The following ALOXE3 variants were observed in gnomAD, a reference collection of about 807,000 sequenced individuals.
ALOXE3 encodes the protein arachidonate epidermal lipoxygenase 3.
ALOXE3 carries 78 observed loss-of-function variants against 87.5 expected under a neutral mutation model. The ratio of observed to expected loss-of-function variants is 0.89; its 90% CI spans 0.74 to 1.08. The LOEUF (loss-of-function observed/expected upper bound fraction) is 1.08. ALOXE3 is among the 50% of genes least tolerant of loss of function. The pLI is 0.00. For missense variants in ALOXE3, 946 were observed against 912.4 expected, an observed-to-expected ratio of 1.04 and a Z score of -0.47; for synonymous variants, 363 against 370.8, an observed-to-expected ratio of 0.98 and a Z score of 0.24.
At chr17:8,107,731 G>A (rs1168288035) in intron 13 of ALOXE3, among the ~76,000 whole-genome samples, 8 of 150,014 alleles carry the variant, frequency 5.3e-5, no homozygotes, top group East Asian at 3.9e-4. Context: ...CCCGGGAGGC[G>A]GAGCTTGCAG....
In ALOXE3 at chr17:8,109,249, C is replaced by G; in HGVS notation, c.1487G>C (p.Arg496Pro). The G allele has an allele frequency of 1.9e-6, 3 of 1,614,096 alleles. No individual in the cohort carries two copies. The highest frequency in any genetic ancestry group is 2.5e-6 in the Non-Finnish European group (3 of 1,180,046). ...GGGGATAGCCAGGACGCCGCGGGCC[C>G]GCAGGCTGTCCGGAAGGCAGAAATT... ...YTNFCLPDSL[R>P]ARGVLAIPNY... Residue 496 changes from arginine to proline, a missense_variant, in exon 12 of 16, where the codon CGG (arginine) becomes CCG (proline). Transcript: ENST00000448843.
chr17:8,110,023 G>A, intron 10 of ALOXE3, 21 bp from the exon 11 acceptor site: 1 of 1,565,830 alleles, frequency 6.4e-7, no homozygotes, highest in African/African-American at 1.4e-5. Context: ...AGCGGATCAC[G>A]TGAGCTGAAG....
intron 13 of ALOXE3, among the ~76,000 whole-genome samples, chr17:8,107,867 A>G (rs867459970): frequency 0.026 from 82 of 3,166 alleles, 2 homozygotes; most frequent in Non-Finnish European, 0.04. Flanking sequence ...GAAAGAAAGA[A>G]AGAAAGAAAG....
intron 15 of ALOXE3, among the ~76,000 whole-genome samples, chr17:8,099,749 T>C (rs1490925991): frequency 6.6e-6 from 1 of 152,086 alleles, no homozygotes; most frequent in Non-Finnish European, 1.5e-5. Context: ...GTTCCCTTTC[T>C]TTCTCTTTTT....
intron 15 of ALOXE3, among the ~76,000 whole-genome samples, chr17:8,100,254 C>T (rs946285896): frequency 2.0e-5 from 3 of 152,220 alleles, no homozygotes; most frequent in Admixed American, 6.5e-5. Flanking sequence ...AGCCAGCCAC[C>T]GTGCTATGAG....
intron 8 of ALOXE3, 78 bp from the exon 9 acceptor site, chr17:8,110,606 C>T (rs2151840149): frequency 6.3e-7 from 1 of 1,597,608 alleles, no homozygotes; most frequent in South Asian, 1.1e-5. Context: ...CCCACTTCCA[C>T]CCCAGAGAGG....
Position 8,115,051 on chromosome 17 carries a change from C to T in ALOXE3, c.441G>A (p.Lys147=). The change falls in exon 5 of 16, where the codon AAG becomes AAA. Residue 147 remains lysine (K), a synonymous_variant. Coordinates refer to ENST00000448843, the MANE Select transcript of ALOXE3 (RefSeq NM_021628.3). The stretch of plus-strand genomic sequence containing the variant: ...TGCAGGGGAAGCCAGGGGCATAGAT[C>T]TTCCAGCTTCCGAGGGAAAGAGGTC... The part of the protein sequence containing the change: ...LRARQECYRW[K]IYAPGFPCMV... 6.2e-7 allele frequency: 1 copy of T among 1,614,198 alleles called. No homozygotes were observed. Among genetic ancestry groups the T allele is most frequent in the Non-Finnish European group, 8.5e-7 (1 of 1,180,018 alleles).
At chr17:8,100,360 G>C (rs1033070890) in intron 15 of ALOXE3, among the ~76,000 whole-genome samples, 3 of 152,078 alleles carry the variant, frequency 2.0e-5, no homozygotes, top group African/African-American at 7.2e-5. Context: ...GGTGCACTGA[G>C]GCCCCAGACA....
rs1479633848 is a variant in ALOXE3, at chr17:8,118,045, TGGA to T, written c.-58_-56del. On this transcript the variant is annotated 5_prime_UTR_variant, in exon 2 of 16. Transcript: ENST00000448843. ...ACGCTGGCCGCAGCAGCAGCCGGCCTGGAGGAGAAGAGCGGCACGCCGGACAGG... is the reference window on the plus strand; with the variant it reads ...ACGCTGGCCGCAGCAGCAGCCGGCCTGGAGAAGAGCGGCACGCCGGACAGG... 1.9e-6 allele frequency: 3 copies of T among 1,596,404 alleles called. No homozygotes were observed. Among genetic ancestry groups the T allele is most frequent in the Non-Finnish European group, 2.6e-6 (3 of 1,173,842 alleles).
At chr17:8,118,909 C>T (rs1980852939), upstream of ALOXE3, 2 of 1,466,256 alleles carry the variant, frequency 1.4e-6, no homozygotes, top group Non-Finnish European at 1.8e-6. Flanking sequence ...CCCCGCGCGG[C>T]CGGTTCCGGC....
In ALOXE3 at chr17:8,108,677, G is replaced by GA. The variant is rs147995436; in HGVS notation, c.1563-89dup. Reference sequence around the variant, plus strand: ...GAGGCCCACTGCTGCTCAGGCGGCAGAGAGACAGATAGCCATGGGGGTTCA... The same window carrying GA: ...GAGGCCCACTGCTGCTCAGGCGGCAGAAGAGACAGATAGCCATGGGGGTTCA... On this transcript the variant is annotated intron_variant, in intron 12 of 15. Transcript: ENST00000448843. 3,508 of 1,567,306 alleles carry GA rather than the reference G, an allele frequency of 2.2e-3. 63 individuals carry two copies. The African/African-American group carries it at 0.03, about 14-fold the overall frequency.
In ALOXE3 at chr17:8,096,502, C is replaced by T; in HGVS notation, c.*125G>A. 1 of 726,148 alleles carries T rather than the reference C, an allele frequency of 1.4e-6. No individual in the cohort carries two copies. The highest frequency in any genetic ancestry group is 1.5e-5 in the South Asian group (1 of 65,066). The allele number at this position is 726,148 out of a possible 1,614,324, so 45.0% of individuals were successfully genotyped here. Reference sequence around the variant, plus strand: ...GAGCCATCTTGGCTGCAAAAGTCTCCATGTGCAGAAGAGAAGGTTCAGGTG... The same window carrying T: ...GAGCCATCTTGGCTGCAAAAGTCTCTATGTGCAGAAGAGAAGGTTCAGGTG... On this transcript the variant is annotated 3_prime_UTR_variant, in exon 16 of 16. Transcript: ENST00000448843.
rs1236212480 is a variant in ALOXE3, at chr17:8,099,389, C to T, written c.1957-2583G>A. Among the ~76,000 whole-genome samples, 5 of 151,896 alleles carry T rather than the reference C, an allele frequency of 3.3e-5. No individual in the cohort carries two copies. The South Asian group carries it at 6.2e-4, about 19-fold the overall frequency. On this transcript the variant is annotated intron_variant, in intron 15 of 15. Coordinates refer to ENST00000448843, the MANE Select transcript of ALOXE3 (RefSeq NM_021628.3). The stretch of plus-strand genomic sequence containing the variant: ...CCTTCTTAGTACTACCAGCCGGGCG[C>T]GGAGGCTCACGCCTGTAATCCCAGC...
chr17:8,117,950 A>T lies in ALOXE3; in HGVS notation c.41T>A (p.Leu14Gln). Reference sequence around the variant, plus strand: ...GATGTTGTCCAGTGTGCCGGCCCTCAGGTAGGGACCAGTGGTCACACACAG... The same window carrying T: ...GATGTTGTCCAGTGTGCCGGCCCTCTGGTAGGGACCAGTGGTCACACACAG... Reference protein sequence around the residue: ...YRLCVTTGPYLRAGTLDNISV... With the variant: ...YRLCVTTGPYQRAGTLDNISV... The change falls in exon 2 of 16, where the codon CTG becomes CAG. Residue 14 changes from leucine (L) to glutamine (Q), a missense_variant. Transcript: ENST00000448843. 1 of 1,612,250 alleles carries T rather than the reference A, an allele frequency of 6.2e-7. No homozygotes were observed. Among genetic ancestry groups the T allele is most frequent in the East Asian group, 2.2e-5 (1 of 44,834 alleles).
chr17:8,098,239 T>G (rs867806915), intron 15 of ALOXE3, among the ~76,000 whole-genome samples: 25 of 129,946 alleles, frequency 1.9e-4, no homozygotes, highest in Admixed American at 5.3e-4. Flanking sequence ...TTTTTGTTTT[T>G]TTTTTTTTTT....
At position 8,104,282 on chromosome 17, in the gene ALOXE3, A is replaced by G. The variant is rs1979127045; in HGVS notation, c.1685-67T>C. The G allele has an allele frequency of 4.2e-6, 5 of 1,189,870 alleles. No individual in the cohort carries two copies. In the South Asian group the frequency reaches 6.2e-5, roughly 15 times the overall value. The allele number at this position is 1,189,870 out of a possible 1,614,324, so 73.7% of individuals were successfully genotyped here. A position where few individuals can be genotyped will look rare whatever the true frequency, so the allele number is the denominator to read the frequency against. ...ACTGGATTCCTAGGGCCAGCTCAGG[A>G]CTGGGGCTCACCACAGGGGGAAAGT... On this transcript the variant is annotated intron_variant, in intron 13 of 15. Transcript: ENST00000448843.
chr17:8,114,982 T>C lies in ALOXE3; in HGVS notation c.510A>G (p.Lys170=). The change falls in exon 5 of 16, where the codon AAA becomes AAG. Residue 170 remains lysine, a synonymous_variant. Coordinates refer to ENST00000448843, the MANE Select transcript of ALOXE3 (RefSeq NM_021628.3). ...NSFQEMESDK[K]FALTKTTTCV... ...AAGTTGTCGTCTTTGTCAAGGCAAA[T>C]TTCTTGTCTGACTCCATCTCCTGAA... 2 of 1,614,098 alleles carry C rather than the reference T, an allele frequency of 1.2e-6. No individual in the cohort carries two copies. The highest frequency in any genetic ancestry group is 1.7e-6 in the Non-Finnish European group (2 of 1,180,030).
intron 5 of ALOXE3, 87 bp downstream of exon 5, chr17:8,114,851 C>T: frequency 1.3e-6 from 2 of 1,584,464 alleles, no homozygotes; most frequent in Non-Finnish European, 8.6e-7. Flanking sequence ...GACCCCTACC[C>T]CTCCTTCCTG....
At chr17:8,101,700 G>A (rs1483657701) in intron 15 of ALOXE3, among the ~76,000 whole-genome samples, 1 of 152,028 alleles carries the variant, frequency 6.6e-6, no homozygotes, top group African/African-American at 2.4e-5. Context: ...GCAGTGGCGT[G>A]AACATGGCTC....
Sources: gnomAD v4.1 joint callset for allele counts (sites outside exome capture counted in the v4.1 genomes callset) on GRCh38, gnomAD v4.1.1 for gene constraint, MANE v1.5 for transcripts, NCBI Gene and HGNC (gene_info 2026-07-23, HGNC 2026-07-21) for gene names.